ATP10B: variants seen among roughly 807,000 people sequenced by gnomAD.
ATP10B encodes ATPase phospholipid transporting 10B (putative).
A neutral mutation model predicts 141.2 loss-of-function variants in ATP10B; 122 were observed. The ratio of observed to expected loss-of-function variants is 0.86; its 90% CI spans 0.75 to 1.00. ATP10B has a LOEUF of 1.00. Ranked by LOEUF, ATP10B falls within the 50% of genes least tolerant of loss-of-function variation. The pLI is 0.00. For synonymous variants in ATP10B, 685 were observed against 692.0 expected (o/e 0.99, Z 0.16); for missense variants, 1,876 against 1,825.3 (o/e 1.03, Z -0.51).
the ATP10B span, among the ~76,000 whole-genome samples, chr5:160,898,114 C>G: frequency 2.6e-5 from 4 of 151,838 alleles, no homozygotes; most frequent in African/African-American, 7.3e-5. Flanking sequence ...GCAACGAAAC[C>G]AAAAGCAATG....
intron 22 of ATP10B, among the ~76,000 whole-genome samples, chr5:160,594,848 C>A (rs1172247265): frequency 2.6e-5 from 4 of 152,142 alleles, no homozygotes; most frequent in Admixed American, 1.3e-4. Context: ...ACTAACTATC[C>A]TAAATATATA....
At chr5:160,595,223 C>G (rs965392049) in intron 22 of ATP10B, among the ~76,000 whole-genome samples, 1 of 152,198 alleles carries the variant, frequency 6.6e-6, no homozygotes, top group Non-Finnish European at 1.5e-5. Context: ...AACTAGAACT[C>G]AGGATTAAGA....
chr5:160,629,795 A>T (rs907778773), intron 13 of ATP10B, among the ~76,000 whole-genome samples: 1 of 152,236 alleles, frequency 6.6e-6, no homozygotes, highest in Non-Finnish European at 1.5e-5. Context: ...CAGAGCTAGT[A>T]CATGGGGTAG....
rs372252662 is a variant in ATP10B at position 160,844,825 on chromosome 5, A to T, written c.-576+7116T>A. Among the ~76,000 whole-genome samples the T allele has an allele frequency of 1.8e-4, 27 of 152,268 alleles. No homozygotes were observed. In the South Asian group the frequency reaches 5.4e-3, roughly 30 times the overall value. On this transcript the variant is annotated intron_variant, in intron 1 of 25. Coordinates refer to ENST00000327245, the MANE Select transcript of ATP10B (RefSeq NM_025153.3). ...CTCCCAAAGTGCTGGGATTACAGGCATGAGACACTGTCCCTGACCAATACT... is the reference window on the plus strand; with the variant it reads ...CTCCCAAAGTGCTGGGATTACAGGCTTGAGACACTGTCCCTGACCAATACT...
chr5:160,840,724 A>G (rs1040112169), intron 1 of ATP10B, among the ~76,000 whole-genome samples: 11 of 152,194 alleles, frequency 7.2e-5, no homozygotes, highest in African/African-American at 2.4e-4. Context: ...CCAGAAGCAA[A>G]GTCAAAAGAC....
chr5:160,826,109 C>T (rs550412581), intron 1 of ATP10B, among the ~76,000 whole-genome samples: 3 of 152,162 alleles, frequency 2.0e-5, no homozygotes, highest in Non-Finnish European at 4.4e-5. Context: ...AGTAGCATGG[C>T]AATGAACATA....
intron 2 of ATP10B, among the ~76,000 whole-genome samples, chr5:160,733,514 T>C (rs912195829): frequency 6.6e-6 from 1 of 152,026 alleles, no homozygotes; most frequent in Admixed American, 6.5e-5. Context: ...GATGTGCTAA[T>C]GACCATAAAA....
chr5:160,779,364 A>G (rs1770567440), intron 2 of ATP10B, among the ~76,000 whole-genome samples: 1 of 152,192 alleles, frequency 6.6e-6, no homozygotes, highest in Admixed American at 6.5e-5. Context: ...ATATTAGGCA[A>G]AAGTGATGGG....
intron 2 of ATP10B, among the ~76,000 whole-genome samples, chr5:160,749,626 G>A (rs956757870): frequency 1.3e-5 from 2 of 152,170 alleles, no homozygotes; most frequent in African/African-American, 4.8e-5. Context: ...CCTAGTTGTG[G>A]GGCTGGGTCT....
At chr5:160,854,967 A>C (rs1369618897), upstream of ATP10B, among the ~76,000 whole-genome samples, 1 of 152,162 alleles carries the variant, frequency 6.6e-6, no homozygotes, top group African/African-American at 2.4e-5. Flanking sequence ...TCTGGGACTC[A>C]AACTACAGAT....
intron 2 of ATP10B, among the ~76,000 whole-genome samples, chr5:160,748,154 A>G (rs1434169054): frequency 4.6e-5 from 7 of 151,854 alleles, no homozygotes; most frequent in East Asian, 3.9e-4. Flanking sequence ...AGATTACTGC[A>G]GTACCGCTTT....
chr5:160,929,157 C>A, the ATP10B span, among the ~76,000 whole-genome samples: 7 of 152,180 alleles, frequency 4.6e-5, no homozygotes, highest in African/African-American at 1.7e-4. Flanking sequence ...CCCAGGCTGG[C>A]AATTGGTGGA....
intron 23 of ATP10B, among the ~76,000 whole-genome samples, chr5:160,590,306 G>C (rs1044280056): frequency 6.6e-6 from 1 of 151,936 alleles, no homozygotes; most frequent in Non-Finnish European, 1.5e-5. Context: ...GGCCAGGGAG[G>C]GTATTGTAAG....
chr5:160,878,373 A>T, the ATP10B span, among the ~76,000 whole-genome samples: 2 of 151,814 alleles, frequency 1.3e-5, no homozygotes, highest in Non-Finnish European at 2.9e-5. Context: ...ACCTTATACA[A>T]AAATCAATTC....
chr5:160,752,131 T>G (rs1296215023), intron 2 of ATP10B, among the ~76,000 whole-genome samples: 1 of 146,390 alleles, frequency 6.8e-6, no homozygotes, highest in Non-Finnish European at 1.5e-5. Context: ...AAAATAAAGA[T>G]AAACCACAGC....
At chr5:160,592,774 G>A (rs1437182321) in intron 22 of ATP10B, among the ~76,000 whole-genome samples, 1 of 152,264 alleles carries the variant, frequency 6.6e-6, no homozygotes, top group Non-Finnish European at 1.5e-5. Context: ...CCTGCACATG[G>A]CTTGGAGGGT....
intron 7 of ATP10B, among the ~76,000 whole-genome samples, chr5:160,651,121 T>C (rs1283304993): frequency 1.3e-5 from 2 of 152,186 alleles, no homozygotes; most frequent in South Asian, 4.1e-4. Flanking sequence ...CGTCATTCTA[T>C]GAAGTAGGAG....
intron 2 of ATP10B, among the ~76,000 whole-genome samples, chr5:160,760,507 G>C (rs1768952373): frequency 6.6e-6 from 1 of 152,100 alleles, no homozygotes; most frequent in Non-Finnish European, 1.5e-5. Context: ...AAGAAATTTT[G>C]GCAGCTGAAT....
chr5:160,785,542 A>G lies in ATP10B; in HGVS notation c.-331+17T>C, dbSNP rs1022474091. ...GGGCTTCTAATGACCCCACTGCCCA[A>G]GAAGTAAAGATAGTACCTGATAGGT... On this transcript the variant is annotated intron_variant, in intron 2 of 25. Coordinates refer to ENST00000327245, the MANE Select transcript of ATP10B (RefSeq NM_025153.3). 5.0e-6 allele frequency: 3 copies of G among 598,314 alleles called. No homozygotes were observed. The highest frequency in any genetic ancestry group is 3.8e-5 in the African/African-American group (2 of 52,406). 37.1% of individuals were successfully genotyped at this position (598,314 alleles called of 1,614,324 possible).
Sources: gnomAD v4.1 joint callset for allele counts (sites outside exome capture counted in the v4.1 genomes callset) on GRCh38, gnomAD v4.1.1 for gene constraint, MANE v1.5 for transcripts, NCBI Gene and HGNC (gene_info 2026-07-23, HGNC 2026-07-21) for gene names.